C12orf42: variants seen among roughly 807,000 people sequenced by gnomAD.
C12orf42 encodes uncharacterized protein C12orf42.
Under a neutral mutation model 21.6 loss-of-function variants are expected in C12orf42, and 25 were observed. The ratio of observed to expected loss-of-function variants is 1.16; its 90% CI spans 0.84 to 1.62. The LOEUF is 1.62. Ranked by LOEUF, C12orf42 falls within the 40% of genes most tolerant of loss-of-function variation. The pLI, the probability that C12orf42 is intolerant of heterozygous loss-of-function variation, is 0.00. For missense variants in C12orf42, 483 were observed against 459.3 expected (o/e 1.05, Z -0.47); for synonymous variants, 174 against 175.0 (o/e 0.99, Z 0.05).
At chr12:103,262,400 G>T (rs1232803734) in intron 10 of C12orf42, 1 of 152,150 alleles carries the variant, frequency 6.6e-6, no homozygotes, top group East Asian at 1.9e-4. Context: ...AGTTTTAAAA[G>T]GTACATTGCA....
At chr12:103,478,058 G>T in intron 2 of C12orf42, 1 of 286,688 alleles carries the variant, frequency 3.5e-6, no homozygotes, top group Non-Finnish European at 6.5e-6. Flanking sequence ...TAATGGTGTG[G>T]GGTTACCTTA....
the C12orf42 span, among the ~76,000 whole-genome samples, chr12:103,209,301 T>A: frequency 3.3e-5 from 5 of 152,222 alleles, no homozygotes; most frequent in African/African-American, 4.8e-5. Flanking sequence ...GTCAATAGTT[T>A]CCAGTTCATT....
At chr12:103,063,966 T>C in the C12orf42 span, among the ~76,000 whole-genome samples, 1 of 152,140 alleles carries the variant, frequency 6.6e-6, no homozygotes, top group Non-Finnish European at 1.5e-5. Context: ...AAGGTTCTAA[T>C]AGTTTATTTG....
At chr12:103,350,104 A>C (rs2042983583) in intron 4 of C12orf42, among the ~76,000 whole-genome samples, 1 of 152,146 alleles carries the variant, frequency 6.6e-6, no homozygotes, top group South Asian at 2.1e-4. Context: ...AAATTTAGGA[A>C]GTTTCCAGCC....
At chr12:103,523,124 G>T in the C12orf42 span, among the ~76,000 whole-genome samples, 1 of 152,300 alleles carries the variant, frequency 6.6e-6, no homozygotes, top group Admixed American at 6.5e-5. Context: ...TAAGATAAAT[G>T]AGCCCTCTCT....
chr12:103,122,810 A>T, the C12orf42 span, among the ~76,000 whole-genome samples: 2 of 152,082 alleles, frequency 1.3e-5, no homozygotes, highest in Non-Finnish European at 2.9e-5. Context: ...TTTTACTATG[A>T]ATAAGTTAGG....
chr12:103,165,828 G>A, the C12orf42 span, among the ~76,000 whole-genome samples: 1 of 151,962 alleles, frequency 6.6e-6, no homozygotes, highest in Non-Finnish European at 1.5e-5. Context: ...ATCACTTAAG[G>A]GCAGGAGTTC....
At chr12:103,206,758 A>G in the C12orf42 span, among the ~76,000 whole-genome samples, 2 of 151,744 alleles carry the variant, frequency 1.3e-5, no homozygotes, top group African/African-American at 4.9e-5. Context: ...CACAACTACT[A>G]CTCTGCTGTG....
chr12:103,288,417 A>G (rs1270992027), intron 4 of C12orf42, among the ~76,000 whole-genome samples: 2 of 152,192 alleles, frequency 1.3e-5, no homozygotes, highest in Admixed American at 6.5e-5. Context: ...AATGGGATAA[A>G]TTGATCATAG....
chr12:103,193,372 G>GA, the C12orf42 span, among the ~76,000 whole-genome samples: 1,684 of 146,282 alleles, frequency 0.012, 27 homozygotes, highest in African/African-American at 0.039. Flanking sequence ...TAAGTTAACA[G>GA]AAAAAAAAAT....
At chr12:103,077,204 T>C in the C12orf42 span, among the ~76,000 whole-genome samples, 1 of 152,212 alleles carries the variant, frequency 6.6e-6, no homozygotes, top group Non-Finnish European at 1.5e-5. Context: ...TAACATGTTT[T>C]ACAAATCTGG....
At chr12:103,270,031 A>G (rs867741608) in intron 5 of C12orf42, 1 of 152,168 alleles carries the variant, frequency 6.6e-6, no homozygotes, top group Non-Finnish European at 1.5e-5. Context: ...TATACTACAA[A>G]GGATTCTGGG....
intron 4 of C12orf42, among the ~76,000 whole-genome samples, chr12:103,353,158 C>T (rs117911791): frequency 0.011 from 1,614 of 152,114 alleles, 12 homozygotes; most frequent in Non-Finnish European, 0.017. Context: ...TTCCCTAAGG[C>T]GCAAAACAAG....
chr12:103,380,865 C>T (rs1252815885), intron 3 of C12orf42, among the ~76,000 whole-genome samples: 1 of 152,174 alleles, frequency 6.6e-6, no homozygotes, highest in Non-Finnish European at 1.5e-5. Flanking sequence ...CCCCATCCTA[C>T]AGATGTGGAA....
chr12:103,196,599 G>C, the C12orf42 span, among the ~76,000 whole-genome samples: 1 of 151,934 alleles, frequency 6.6e-6, no homozygotes, highest in African/African-American at 2.4e-5. Context: ...GAATCTAGGT[G>C]CTCTAGTGTT....
At chr12:103,145,731 A>G in the C12orf42 span, among the ~76,000 whole-genome samples, 3,594 of 152,334 alleles carry the variant, frequency 0.024, 156 homozygotes, top group African/African-American at 0.082. Context: ...AAAATATTCA[A>G]CAAAAGTGAA....
At chr12:103,311,294 TTTAG>T (rs1255521367) in intron 4 of C12orf42, among the ~76,000 whole-genome samples, 1 of 151,902 alleles carries the variant, frequency 6.6e-6, no homozygotes, top group Non-Finnish European at 1.5e-5. Flanking sequence ...CGCTTATTTA[TTTAG>T]TTATTCAATC....
chr12:103,513,383 A>T, the C12orf42 span, among the ~76,000 whole-genome samples: 2 of 152,230 alleles, frequency 1.3e-5, no homozygotes, highest in Non-Finnish European at 2.9e-5. Context: ...ATTCTTAAGA[A>T]TATGACTTCA....
the C12orf42 span, among the ~76,000 whole-genome samples, chr12:103,102,793 A>G: frequency 6.6e-6 from 1 of 152,126 alleles, no homozygotes; most frequent in Non-Finnish European, 1.5e-5. Context: ...TCAGGGTCTC[A>G]TGAGGATGTA....
Sources: gnomAD v4.1 joint callset for allele counts (sites outside exome capture counted in the v4.1 genomes callset) on GRCh38, gnomAD v4.1.1 for gene constraint, MANE v1.5 for transcripts, NCBI Gene and HGNC (gene_info 2026-07-23, HGNC 2026-07-21) for gene names.